Variants in MAML3 observed in about 807,000 individuals in gnomAD.
MAML3 encodes the protein mastermind-like protein 3.
A neutral mutation model predicts 101.9 loss-of-function variants in MAML3; 27 were observed. The observed-to-expected ratio is 0.27, with a 90% CI of 0.20 to 0.37. The LOEUF is 0.37. Ranked by LOEUF, MAML3 falls within the 10% of genes least tolerant of loss-of-function variation. MAML3 has a pLI of 1.00. For synonymous variants in MAML3, 501 were observed against 555.9 expected (o/e 0.90, Z 1.39); for missense variants, 1,316 against 1,444.9 (o/e 0.91, Z 1.45).
chr4:140,016,144 C>T (rs1362896225), intron 1 of MAML3, among the ~76,000 whole-genome samples: 1 of 151,972 alleles, frequency 6.6e-6, no homozygotes, highest in Non-Finnish European at 1.5e-5. Context: ...TATGTCCTAG[C>T]AATAAATATG....
chr4:140,058,687 T>G (rs182829939), intron 1 of MAML3, among the ~76,000 whole-genome samples: 1 of 152,156 alleles, frequency 6.6e-6, no homozygotes, highest in Non-Finnish European at 1.5e-5. Flanking sequence ...TGTTCTAGCT[T>G]TCTGGTATTC....
At chr4:139,818,948 A>G (rs1730931708) in intron 2 of MAML3, among the ~76,000 whole-genome samples, 1 of 152,190 alleles carries the variant, frequency 6.6e-6, no homozygotes, top group Non-Finnish European at 1.5e-5. Flanking sequence ...AGCATATTAT[A>G]CTTGACTAAA....
At chr4:139,916,589 G>T (rs1733033008) in intron 1 of MAML3, among the ~76,000 whole-genome samples, 1 of 152,194 alleles carries the variant, frequency 6.6e-6, no homozygotes, top group African/African-American at 2.4e-5. Flanking sequence ...TGCTCCAGGT[G>T]GCCATGGCCT....
At chr4:139,734,697 C>T (rs1728862595) in intron 2 of MAML3, among the ~76,000 whole-genome samples, 1 of 152,254 alleles carries the variant, frequency 6.6e-6, no homozygotes, top group Non-Finnish European at 1.5e-5. Context: ...AAAATATCTC[C>T]CAAGAACAGC....
chr4:139,808,827 C>A (rs2111109969), intron 2 of MAML3, among the ~76,000 whole-genome samples: 1 of 152,242 alleles, frequency 6.6e-6, no homozygotes, highest in South Asian at 2.1e-4. Flanking sequence ...CTGAGCTTAC[C>A]CCAGTGTGAG....
At position 140,142,217 on chromosome 4, in the gene MAML3, GA is replaced by G. The variant is rs898773438; in HGVS notation, c.468+10642del. ...TACATAATATGATTCCATTTATGTA[GA>G]AAAAATGAATATGTGATTATGTACA... is the stretch of plus-strand genomic sequence containing the variant. On this transcript the variant is annotated intron_variant, in intron 1 of 4. Coordinates refer to ENST00000509479, the MANE Select transcript of MAML3 (RefSeq NM_018717.5). 5.3e-4 allele frequency among the ~76,000 whole-genome samples: 80 copies of G among 152,140 alleles called. 1 individual carries two copies. Among genetic ancestry groups the G allele is most frequent in the African/African-American group, 1.9e-3 (77 of 41,496 alleles).
At chr4:139,816,917 C>G (rs781571877) in intron 2 of MAML3, among the ~76,000 whole-genome samples, 2 of 152,130 alleles carry the variant, frequency 1.3e-5, no homozygotes, top group Non-Finnish European at 2.9e-5. Flanking sequence ...ATGTGCTAGT[C>G]ATTCCTAAAT....
intron 2 of MAML3, among the ~76,000 whole-genome samples, chr4:139,883,809 T>C (rs1202660350): frequency 6.6e-6 from 1 of 151,468 alleles, no homozygotes; most frequent in Admixed American, 6.6e-5. Flanking sequence ...TTGGATAAGG[T>C]AAATAATATA....
chr4:139,976,846 C>A (rs1336928750), intron 1 of MAML3, among the ~76,000 whole-genome samples: 1 of 151,942 alleles, frequency 6.6e-6, no homozygotes, highest in East Asian at 1.9e-4. Flanking sequence ...CCCTCCAGGG[C>A]ACATCTGGCA....
chr4:139,913,428 T>C (rs1732968104), intron 1 of MAML3, among the ~76,000 whole-genome samples: 1 of 152,244 alleles, frequency 6.6e-6, no homozygotes, highest in Non-Finnish European at 1.5e-5. Flanking sequence ...TTTTCCTTTT[T>C]CTGACTTTGG....
intron 1 of MAML3, among the ~76,000 whole-genome samples, chr4:140,091,032 A>G (rs1286658409): frequency 3.3e-5 from 5 of 151,548 alleles, no homozygotes; most frequent in Non-Finnish European, 7.4e-5. Context: ...CCTGGGCAAC[A>G]GAGCGAGATT....
chr4:139,781,992 G>T (rs952419491), intron 2 of MAML3, among the ~76,000 whole-genome samples: 3 of 152,138 alleles, frequency 2.0e-5, no homozygotes, highest in African/African-American at 7.2e-5. Flanking sequence ...ATACCACGGG[G>T]AACTGTTCCA....
Position 139,798,230 on chromosome 4 carries a change from C to T in MAML3, c.2080-67563G>A, listed in dbSNP as rs988715151. Among the ~76,000 whole-genome samples, 12 of 152,114 alleles carry T rather than the reference C, an allele frequency of 7.9e-5. No homozygotes were observed. The South Asian group carries it at 8.3e-4, about 11-fold the overall frequency. On this transcript the variant is annotated intron_variant, in intron 2 of 4. Coordinates refer to ENST00000509479, the MANE Select transcript of MAML3 (RefSeq NM_018717.5). ...AATACAATAAGAAAAAAATCACTTA[C>T]GCTTTCTGAGCCTTGGTGCCAAGTA...
chr4:139,933,623 C>G (rs143056526), intron 1 of MAML3, among the ~76,000 whole-genome samples: 1 of 152,196 alleles, frequency 6.6e-6, no homozygotes, highest in African/African-American at 2.4e-5. Context: ...GGGGCGGCTA[C>G]GCTGTTTGGG....
At chr4:140,063,793 T>TA (rs1727487479) in intron 1 of MAML3, among the ~76,000 whole-genome samples, 1 of 127,184 alleles carries the variant, frequency 7.9e-6, no homozygotes, top group Non-Finnish European at 1.7e-5. Context: ...CTTGCTTGCT[T>TA]TAAAAAAAAA....
At chr4:140,034,274 CCTT>C (rs1330078976) in intron 1 of MAML3, among the ~76,000 whole-genome samples, 2 of 152,132 alleles carry the variant, frequency 1.3e-5, no homozygotes, top group African/African-American at 4.8e-5. Flanking sequence ...GAAGTTAATT[CCTT>C]ATAAATGAAC....
intron 2 of MAML3, among the ~76,000 whole-genome samples, chr4:139,835,000 C>T (rs1731233041): frequency 6.6e-6 from 1 of 152,184 alleles, no homozygotes. Context: ...TAATATGTTT[C>T]CTGTTGGCTG....
chr4:139,878,673 T>A (rs550163825), intron 2 of MAML3, among the ~76,000 whole-genome samples: 1 of 152,274 alleles, frequency 6.6e-6, no homozygotes, highest in African/African-American at 2.4e-5. Context: ...GGAATGAAGT[T>A]GGGCATCCGG....
At chr4:140,130,311 C>T (rs1381912175) in intron 1 of MAML3, among the ~76,000 whole-genome samples, 3 of 152,126 alleles carry the variant, frequency 2.0e-5, no homozygotes, top group East Asian at 1.9e-4. Context: ...TTGCATATAT[C>T]GTGAGTCCTA....
Sources: gnomAD v4.1 joint callset for allele counts (sites outside exome capture counted in the v4.1 genomes callset) on GRCh38, gnomAD v4.1.1 for gene constraint, MANE v1.5 for transcripts, NCBI Gene and HGNC (gene_info 2026-07-23, HGNC 2026-07-21) for gene names.